CTNNA2: variants seen among roughly 807,000 people sequenced by gnomAD.
The protein encoded by CTNNA2 is catenin alpha-2.
In CTNNA2, 42 loss-of-function variants were observed where a neutral mutation model predicts 101.0. The observed-to-expected ratio is 0.42, with a 90% CI of 0.32 to 0.54. The LOEUF (loss-of-function observed/expected upper bound fraction) is 0.54, where lower values mean the gene tolerates loss of function less well. CTNNA2 is among the 20% of genes least tolerant of loss of function. The probability of loss-of-function intolerance (pLI) is 0.14; values close to 1 mark genes in which losing one functional copy is unlikely to be tolerated. For synonymous variants in CTNNA2, 450 were observed against 456.4 expected, an observed-to-expected ratio of 0.99 and a Z score of 0.18; for missense variants, 871 against 1,223.1, an observed-to-expected ratio of 0.71 and a Z score of 4.29.
intron 4 of CTNNA2, among the ~76,000 whole-genome samples, chr2:79,380,735 A>C (rs1186418136): frequency 6.6e-6 from 1 of 152,222 alleles, no homozygotes; most frequent in East Asian, 1.9e-4. Context: ...CAAGTATATA[A>C]AACAGGTAAA....
At chr2:79,949,182 A>G (rs17018285) in intron 7 of CTNNA2, among the ~76,000 whole-genome samples, 19,869 of 152,106 alleles carry the variant, frequency 0.13, 1,704 homozygotes, top group East Asian at 0.42. Context: ...TTGCATTTCA[A>G]GTCTCAATAG....
chr2:79,427,076 CT>C (rs778699261), intron 4 of CTNNA2, among the ~76,000 whole-genome samples: 95 of 148,552 alleles, frequency 6.4e-4, no homozygotes, highest in Middle Eastern at 3.5e-3. Context: ...ACAGTCATGT[CT>C]TTTTTTTTTA....
chr2:79,211,390 A>C (rs775096488), intron 2 of CTNNA2, among the ~76,000 whole-genome samples: 1 of 152,192 alleles, frequency 6.6e-6, no homozygotes, highest in Admixed American at 6.5e-5. Flanking sequence ...GCTTTGTGTG[A>C]GCAGTAAAGC....
chr2:79,562,215 AG>A (rs1350065941), intron 1 of CTNNA2, among the ~76,000 whole-genome samples: 1 of 152,112 alleles, frequency 6.6e-6, no homozygotes, highest in African/African-American at 2.4e-5. Context: ...ATCCATTGAT[AG>A]AAATGTAAGG....
chr2:80,321,576 T>C lies in CTNNA2; in HGVS notation c.1057-71635T>C, dbSNP rs139916465. Among the ~76,000 whole-genome samples the C allele has an allele frequency of 6.5e-3, 984 of 152,338 alleles. 6 individuals carry two copies. The highest frequency in any genetic ancestry group is 0.01 in the Non-Finnish European group (688 of 68,030). ...TATGAATTCATAAAATGTATGCAAATGAACTACAACCAGGAAAATTGTGGA... is the reference window on the plus strand; with the variant it reads ...TATGAATTCATAAAATGTATGCAAACGAACTACAACCAGGAAAATTGTGGA... On this transcript the variant is annotated intron_variant, in intron 7 of 18. Transcript: ENST00000402739.
At chr2:79,330,026 T>C (rs867222952) in intron 3 of CTNNA2, among the ~76,000 whole-genome samples, 36 of 152,222 alleles carry the variant, frequency 2.4e-4, no homozygotes, top group Middle Eastern at 3.4e-3. Context: ...AAACAGCTTC[T>C]TCCATGGAGA....
chr2:80,591,665 G>T (rs1264604261), intron 15 of CTNNA2, among the ~76,000 whole-genome samples: 3 of 151,940 alleles, frequency 2.0e-5, no homozygotes, highest in African/African-American at 7.3e-5. Flanking sequence ...GGATGTAGCT[G>T]ATTAGGAATT....
chr2:79,368,319 G>A (rs1677795139), intron 3 of CTNNA2, among the ~76,000 whole-genome samples: 1 of 152,158 alleles, frequency 6.6e-6, no homozygotes. Context: ...CCTTGTCAGA[G>A]CTGTTCCTTT....
intron 1 of CTNNA2, among the ~76,000 whole-genome samples, chr2:79,581,301 G>A (rs563518450): frequency 6.6e-6 from 1 of 152,266 alleles, no homozygotes; most frequent in East Asian, 1.9e-4. Flanking sequence ...CAAGGCAGGT[G>A]GACTGCTTGA....
At chr2:79,864,357 C>T (rs1415709817) in intron 4 of CTNNA2, among the ~76,000 whole-genome samples, 1 of 152,116 alleles carries the variant, frequency 6.6e-6, no homozygotes, top group East Asian at 1.9e-4. Context: ...ATTGTTGGTG[C>T]ATAGTGGGCA....
intron 7 of CTNNA2, among the ~76,000 whole-genome samples, chr2:80,063,279 CCACCAGTT>C (rs1697738335): frequency 6.6e-6 from 1 of 152,100 alleles, no homozygotes; most frequent in Non-Finnish European, 1.5e-5. Context: ...ACTTCACATG[CCACCAGTT>C]CAATGTTTTC....
At chr2:80,336,827 T>C (rs1420760957) in intron 7 of CTNNA2, among the ~76,000 whole-genome samples, 1 of 152,196 alleles carries the variant, frequency 6.6e-6, no homozygotes, top group Non-Finnish European at 1.5e-5. Context: ...AGTGACTCTA[T>C]GCAAGTTTTA....
chr2:79,473,424 T>A (rs962625495), intron 4 of CTNNA2, among the ~76,000 whole-genome samples: 1 of 151,868 alleles, frequency 6.6e-6, no homozygotes, highest in South Asian at 2.1e-4. Flanking sequence ...TCCCTCTCTC[T>A]CACATGTACA....
chr2:79,976,181 A>G (rs552762598), intron 7 of CTNNA2, among the ~76,000 whole-genome samples: 17 of 152,332 alleles, frequency 1.1e-4, no homozygotes, highest in South Asian at 6.2e-4. Context: ...GGAAAATTTT[A>G]TAAGCTTTTC....
intron 7 of CTNNA2, among the ~76,000 whole-genome samples, chr2:80,333,456 A>G (rs1469243455): frequency 6.6e-6 from 1 of 152,210 alleles, no homozygotes; most frequent in Non-Finnish European, 1.5e-5. Context: ...ATGGAGATAA[A>G]TAAGAGATAT....
rs189274207 is a variant in CTNNA2, at chr2:79,722,790, G to A, written c.103-21597G>A. On this transcript the variant is annotated intron_variant, in intron 2 of 18. Transcript: ENST00000402739. ...TCCTAATTGGTCCACAGGCAAAGTA[G>A]GTGATCAATAAATATTTATTAATGA... Among the ~76,000 whole-genome samples the A allele has an allele frequency of 9.2e-5, 14 of 152,228 alleles. No homozygotes were observed. The East Asian group carries it at 2.7e-3, about 29-fold the overall frequency.
chr2:79,558,473 A>G (rs548915389), intron 1 of CTNNA2, among the ~76,000 whole-genome samples: 32 of 152,040 alleles, frequency 2.1e-4, no homozygotes, highest in African/African-American at 7.7e-4. Flanking sequence ...TAAAGATTCA[A>G]TGAAAGATCC....
chr2:80,596,279 G>GTTTTT lies in CTNNA2; in HGVS notation c.2189+6838_2189+6842dup, dbSNP rs60132060. Among the ~76,000 whole-genome samples the GTTTTT allele has an allele frequency of 8.8e-4, 31 of 35,320 alleles. 10 individuals are homozygous for GTTTTT. Among genetic ancestry groups the GTTTTT allele is most frequent in the East Asian group, 2.5e-3 (2 of 798 alleles). 23.2% of individuals were successfully genotyped at this position (35,320 alleles called of 152,430 possible). On this transcript the variant is annotated intron_variant, in intron 15 of 18. Coordinates refer to ENST00000402739, the MANE Select transcript of CTNNA2 (RefSeq NM_001282597.3). ...AGTTTTTTTGGGCTGAGACAAGGTT[G>GTTTTT]TTTTTTTTTTTTTTTTTTTTTTTTT... is the stretch of plus-strand genomic sequence containing the variant.
intron 7 of CTNNA2, among the ~76,000 whole-genome samples, chr2:80,036,656 T>C (rs145176687): frequency 5.9e-5 from 9 of 152,210 alleles, no homozygotes; most frequent in Non-Finnish European, 1.0e-4. Flanking sequence ...CTCAAGGAGA[T>C]AAACATGAGC....
Sources: gnomAD v4.1 joint callset for allele counts (sites outside exome capture counted in the v4.1 genomes callset) on GRCh38, gnomAD v4.1.1 for gene constraint, MANE v1.5 for transcripts, NCBI Gene and HGNC (gene_info 2026-07-23, HGNC 2026-07-21) for gene names.